Variants in INTS10 observed in about 807,000 individuals in gnomAD.
INTS10 encodes integrator complex subunit 10.
In INTS10, 44 loss-of-function variants were observed where a neutral mutation model predicts 94.4. The ratio of observed to expected loss-of-function variants is 0.47; its 90% confidence interval spans 0.37 to 0.60. The LOEUF (loss-of-function observed/expected upper bound fraction) is 0.60, where lower values mean the gene tolerates loss of function less well. Among genes scored for constraint, INTS10 ranks in the 20% least tolerant of loss-of-function variants. INTS10 has a pLI of 0.00. For missense variants in INTS10, 797 were observed against 868.7 expected (o/e 0.92, Z 1.04); for synonymous variants, 341 against 320.7 (o/e 1.06, Z -0.68).
At chr8:19,826,011 G>A (rs907481109) in intron 8 of INTS10, among the ~76,000 whole-genome samples, 1 of 152,046 alleles carries the variant, frequency 6.6e-6, no homozygotes, top group African/African-American at 2.4e-5. Flanking sequence ...TTTTAATGAC[G>A]TTTCTCATGA....
chr8:19,821,597 T>C (rs1300872374), intron 4 of INTS10: 1 of 152,122 alleles, frequency 6.6e-6, no homozygotes, highest in African/African-American at 2.4e-5. Context: ...TACAGGTGTG[T>C]GTACATGGCC....
rs576697473 is a variant in INTS10, at chr8:19,835,070, TTCAGAC to T, written c.1530+1750_1530+1755del. The stretch of plus-strand genomic sequence containing the variant: ...ACAAATTTTGGTGGGAATGTAGACA[TTCAGAC>T]CATAGTACTGGCCCTTAGACACAAA... On this transcript the variant is annotated intron_variant, in intron 12 of 16. Coordinates refer to ENST00000397977, the MANE Select transcript of INTS10 (RefSeq NM_018142.4). Among the ~76,000 whole-genome samples, 315 of 152,168 alleles carry T rather than the reference TTCAGAC, an allele frequency of 2.1e-3. 2 individuals carry two copies. Among genetic ancestry groups the T allele is most frequent in the Middle Eastern group, 0.01 (3 of 294 alleles).
rs1247330468 is a variant in INTS10, at chr8:19,822,432, G to C, written c.442-7G>C. 6.3e-7 allele frequency: 1 copy of C among 1,586,190 alleles called. No homozygotes were observed. Among genetic ancestry groups the C allele is most frequent in the Non-Finnish European group, 8.7e-7 (1 of 1,155,712 alleles). ...ACATTTAAATGAGTAATTTTGTTTT[G>C]AAATAGGTTGGCCTTGGGGAGGCAC... On this transcript the variant is annotated splice_polypyrimidine_tract_variant and splice_region_variant and intron_variant, in intron 4 of 16. Transcript: ENST00000397977.
chr8:19,820,100 C>G (rs1011955086), intron 3 of INTS10, among the ~76,000 whole-genome samples: 2 of 152,224 alleles, frequency 1.3e-5, no homozygotes, highest in Non-Finnish European at 2.9e-5. Context: ...AGCACATGCT[C>G]TCTATCTCAA....
At chr8:19,850,621 A>T (rs1302126014) in intron 16 of INTS10, among the ~76,000 whole-genome samples, 1 of 152,178 alleles carries the variant, frequency 6.6e-6, no homozygotes, top group Admixed American at 6.5e-5. Flanking sequence ...TGCCCAGAAC[A>T]TAAAAAAATC....
chr8:19,823,588 A>G, intron 6 of INTS10, 147 bp downstream of exon 6: 2 of 666,778 alleles, frequency 3.0e-6, no homozygotes, highest in Admixed American at 3.1e-5. Flanking sequence ...AAAAAATACT[A>G]AAAGATGAGG....
At chr8:19,822,942 C>G (rs1181976720) in intron 5 of INTS10, among the ~76,000 whole-genome samples, 2 of 142,314 alleles carry the variant, frequency 1.4e-5, no homozygotes, top group African/African-American at 2.6e-5. Flanking sequence ...GAGTGAGACT[C>G]TGTCTCAAAA....
At chr8:19,833,374 T>G in intron 12 of INTS10, 53 bp downstream of exon 12, 2 of 1,368,358 alleles carry the variant, frequency 1.5e-6, no homozygotes, top group Non-Finnish European at 1.9e-6. Flanking sequence ...CCACCTGGCC[T>G]TTCTCCTTTC....
intron 1 of INTS10, 109 bp downstream of exon 1, chr8:19,817,775 C>T (rs1254742457): frequency 1.4e-6 from 2 of 1,400,612 alleles, no homozygotes. Context: ...CGCCTCCTGC[C>T]CGGCCCCCTG....
chr8:19,836,905 A>C (rs1372145930), intron 12 of INTS10, 147 bp from the exon 13 acceptor site: 3 of 613,720 alleles, frequency 4.9e-6, no homozygotes, highest in African/African-American at 1.8e-5. Context: ...TTCACTATTG[A>C]GCAATGGTAA....
intron 13 of INTS10, among the ~76,000 whole-genome samples, chr8:19,841,480 A>T (rs1224826418): frequency 6.6e-6 from 1 of 152,196 alleles, no homozygotes. Context: ...CAATTATCCA[A>T]TCCCCATAGA....
In INTS10 at chr8:19,817,449, C is replaced by CGGCGGCGGCGGT. The variant is rs2065997040; in HGVS notation, c.-85_-74dup. 6.6e-7 allele frequency: 1 copy of CGGCGGCGGCGGT among 1,507,048 alleles called. No individual in the cohort carries two copies. Among genetic ancestry groups the CGGCGGCGGCGGT allele is most frequent in the African/African-American group, 1.4e-5 (1 of 72,408 alleles). 93.4% of individuals were successfully genotyped at this position (1,507,048 alleles called of 1,614,324 possible). A position where few individuals can be genotyped will look rare whatever the true frequency, so the allele number is the denominator to read the frequency against. ...GCAGTAGCCTCCCCCGCGGTGGCGG[C>CGGCGGCGGCGGT]GGCGGCGGCGGTGGCTGCCGTGGCG... is the stretch of plus-strand genomic sequence containing the variant. On this transcript the variant is annotated 5_prime_UTR_variant, in exon 1 of 17. Transcript: ENST00000397977.
chr8:19,822,562 A>G, intron 5 of INTS10, 42 bp downstream of exon 5: 2 of 1,232,594 alleles, frequency 1.6e-6, no homozygotes, highest in Non-Finnish European at 1.2e-6. Context: ...TGGTAAATTA[A>G]TATGCTGGGG....
At chr8:19,850,085 C>T (rs185188514) in intron 16 of INTS10, among the ~76,000 whole-genome samples, 1 of 147,494 alleles carries the variant, frequency 6.8e-6, no homozygotes, top group African/African-American at 2.5e-5. Context: ...ATCATTGCCA[C>T]TGCACTTCAG....
rs1361697416 is a variant in INTS10 at position 19,851,226 on chromosome 8, C to T, written c.1977-423C>T. Among the ~76,000 whole-genome samples, 1 of 152,196 alleles carries T rather than the reference C, an allele frequency of 6.6e-6. No homozygotes were observed. The highest frequency in any genetic ancestry group is 2.1e-4 in the South Asian group (1 of 4,830). On this transcript the variant is annotated intron_variant, in intron 16 of 16. Coordinates refer to ENST00000397977, the MANE Select transcript of INTS10 (RefSeq NM_018142.4). This position sits in a 1 kb window ranked among gnomAD's most constrained non-coding sequence, Gnocchi z 5.0. ...ACTTGGGTGATTGGCTCATTCAGGT[C>T]TCCTCCCTCCTTGCTGCTGCCTCTG... is the stretch of plus-strand genomic sequence containing the variant.
chr8:19,826,479 G>T lies in INTS10; in HGVS notation c.1060G>T (p.Val354Leu). 1 of 1,613,112 alleles carries T rather than the reference G, an allele frequency of 6.2e-7. No homozygotes were observed. The highest frequency in any genetic ancestry group is 2.2e-5 in the East Asian group (1 of 44,850). ...PLVLLEDVSN[V>L]YGDVEIDRNK... ...GGTTCTTCTTGAAGATGTATCGAAT[G>T]TGTATGGTGATGTAGAAATTGATCG... Residue 354 changes from valine to leucine, a missense_variant, in exon 9 of 17, where the codon GTG (valine) becomes TTG (leucine). Around this residue, in one of 3 missense-constraint regions of INTS10, gnomAD observed 734 missense variants for 787.8 expected, o/e 0.93. Coordinates refer to ENST00000397977, the MANE Select transcript of INTS10 (RefSeq NM_018142.4).
intron 14 of INTS10, 67 bp downstream of exon 14, chr8:19,842,994 C>T (rs1563448810): frequency 5.6e-6 from 6 of 1,077,442 alleles, no homozygotes; most frequent in Non-Finnish European, 8.6e-6. Context: ...GACTCGAGAA[C>T]TTGAGAACCT....
chr8:19,840,327 A>T (rs894236120), intron 13 of INTS10, among the ~76,000 whole-genome samples: 5 of 152,192 alleles, frequency 3.3e-5, no homozygotes, highest in African/African-American at 1.2e-4. Context: ...AGAAGATTCA[A>T]TATTATTATG....
rs1377921406 is a variant in INTS10 at position 19,837,089 on chromosome 8, T to G, written c.1568T>G (p.Met523Arg). Residue 523 changes from methionine to arginine, a missense_variant, in exon 13 of 17, where the codon ATG becomes AGG. Met to Arg is a moderately conservative substitution (Grantham distance 91). Transcript: ENST00000397977. ...AAAGTCCTTGATTTGATGTGCTACA[T>G]GGTACTCCCCATTCAAGATGGAGGC... ...CEKVLDLMCYMVLPIQDGGKS... is the reference protein window; with the variant it reads ...CEKVLDLMCYRVLPIQDGGKS... The G allele has an allele frequency of 1.2e-6, 2 of 1,613,912 alleles. No individual in the cohort carries two copies. Among genetic ancestry groups the G allele is most frequent in the Non-Finnish European group, 1.7e-6 (2 of 1,179,744 alleles).
Sources: allele counts gnomAD v4.1 joint callset (sites outside exome capture counted in the v4.1 genomes callset), GRCh38; gene constraint gnomAD v4.1.1; regional missense constraint gnomAD v4.1.1; non-coding constraint Gnocchi (gnomAD v3.1); transcripts MANE v1.5; gene names NCBI Gene and HGNC (gene_info 2026-07-23, HGNC 2026-07-21).